TRPV3: variants seen among roughly 807,000 people sequenced by gnomAD.
TRPV3 encodes the protein transient receptor potential cation channel subfamily V member 3.
A neutral mutation model predicts 87.1 loss-of-function variants in TRPV3; 88 were observed. The ratio of observed to expected loss-of-function variants is 1.01; its 90% CI spans 0.85 to 1.21. TRPV3 has a LOEUF of 1.21. TRPV3 is among the 50% of genes most tolerant of loss of function. The pLI is 0.00. For synonymous variants in TRPV3, 438 were observed against 423.3 expected (o/e 1.03, Z -0.43); for missense variants, 1,054 against 1,030.1 (o/e 1.02, Z -0.32).
chr17:3,514,065 T>A, intron 17 of TRPV3, 54 bp from the exon 18 acceptor site: 9 of 1,424,900 alleles, frequency 6.3e-6, no homozygotes, highest in Non-Finnish European at 8.6e-6. Flanking sequence ...CATAGTGTGT[T>A]TCTTTTTTCT....
At chr17:3,546,404 T>C (rs1489503503) in intron 2 of TRPV3, among the ~76,000 whole-genome samples, 1 of 151,658 alleles carries the variant, frequency 6.6e-6, no homozygotes, top group Non-Finnish European at 1.5e-5. Flanking sequence ...ATCATGCCAC[T>C]GCACTCCAGT....
At chr17:3,535,447 CT>C (rs2074399910) in intron 7 of TRPV3, 125 bp downstream of exon 7, 1 of 940,716 alleles carries the variant, frequency 1.1e-6, no homozygotes, top group Non-Finnish European at 1.4e-6. Flanking sequence ...TCCCTCCTCA[CT>C]TCCTTCCTCC....
intron 7 of TRPV3, among the ~76,000 whole-genome samples, chr17:3,534,997 C>T (rs1290931831): frequency 6.6e-6 from 1 of 152,020 alleles, no homozygotes; most frequent in African/African-American, 2.4e-5. Flanking sequence ...CTCCTCCCAG[C>T]CCCTCCTTCT....
intron 16 of TRPV3, 25 bp from the exon 17 acceptor site, chr17:3,514,697 C>G (rs1015868495): frequency 4.6e-6 from 7 of 1,536,506 alleles, no homozygotes; most frequent in Non-Finnish European, 5.4e-6. Flanking sequence ...ATCATTCTTA[C>G]TATTTCACCA....
intron 17 of TRPV3, chr17:3,514,239 C>T (rs933723746): frequency 1.2e-5 from 6 of 486,382 alleles, no homozygotes; most frequent in Middle Eastern, 5.9e-4. Flanking sequence ...CCACCACGTT[C>T]GGCTAATTTT....
chr17:3,525,194 AT>A (rs1377943422), intron 12 of TRPV3, among the ~76,000 whole-genome samples: 3 of 152,032 alleles, frequency 2.0e-5, no homozygotes, highest in Non-Finnish European at 2.9e-5. Context: ...TCATTTTTGT[AT>A]TTTTAGTAGA....
rs1426165973 is a variant in TRPV3 at position 3,511,667 on chromosome 17, T to C, written c.*2250A>G. On this transcript the variant is annotated 3_prime_UTR_variant, in exon 18 of 18. Transcript: ENST00000576742. ...TCCATCCAGACCCACAGACAGCAGATCACCAAAACATGTGAGATGACAAAC... is the reference window on the plus strand; with the variant it reads ...TCCATCCAGACCCACAGACAGCAGACCACCAAAACATGTGAGATGACAAAC... The C allele has an allele frequency of 6.6e-6, 1 of 152,174 alleles. No homozygotes were observed. Among genetic ancestry groups the C allele is most frequent in the East Asian group, 1.9e-4 (1 of 5,204 alleles). The allele number at this position is 152,174 out of a possible 1,614,324, so 9.4% of individuals were successfully genotyped here.
At chr17:3,532,448 T>C (rs887888583) in intron 8 of TRPV3, among the ~76,000 whole-genome samples, 50 of 152,126 alleles carry the variant, frequency 3.3e-4, no homozygotes, top group Admixed American at 2.6e-4. Flanking sequence ...GTCTAGAGAG[T>C]GGGCTGCATC....
Position 3,512,578 on chromosome 17 carries a change from C to A in TRPV3, c.*1339G>T, listed in dbSNP as rs1201057462. On this transcript the variant is annotated 3_prime_UTR_variant, in exon 18 of 18. Transcript: ENST00000576742. Reference sequence around the variant, plus strand: ...ACTATTTTTATAATTCCACCTCGAACATTTTTACATGAATCCTTTCACCAG... The same window carrying A: ...ACTATTTTTATAATTCCACCTCGAAAATTTTTACATGAATCCTTTCACCAG... The A allele has an allele frequency of 6.6e-6, 1 of 152,152 alleles. No individual in the cohort carries two copies. The highest frequency in any genetic ancestry group is 2.4e-5 in the African/African-American group (1 of 41,432). 9.4% of individuals were successfully genotyped at this position (152,152 alleles called of 1,614,324 possible).
chr17:3,525,513 T>C (rs1180318809), intron 12 of TRPV3, among the ~76,000 whole-genome samples: 1 of 152,198 alleles, frequency 6.6e-6, no homozygotes, highest in Non-Finnish European at 1.5e-5. Context: ...AAAACAGTTC[T>C]AAAGACTGAT....
chr17:3,529,903 G>T, intron 9 of TRPV3, 124 bp downstream of exon 9: 1 of 1,092,304 alleles, frequency 9.2e-7, no homozygotes, highest in Non-Finnish European at 1.3e-6. Context: ...AGGCAACAGA[G>T]TGGGGTATGC....
intron 1 of TRPV3, among the ~76,000 whole-genome samples, chr17:3,555,505 G>T (rs1171809919): frequency 6.6e-6 from 1 of 152,188 alleles, no homozygotes; most frequent in African/African-American, 2.4e-5. Flanking sequence ...ACCAGCTTAT[G>T]GCTGCCTGTC....
chr17:3,531,090 A>G (rs403173), intron 8 of TRPV3, among the ~76,000 whole-genome samples: 1 of 150,868 alleles, frequency 6.6e-6, no homozygotes, highest in Admixed American at 6.6e-5. Context: ...AAACAAAAAA[A>G]CCAAAAATTC....
chr17:3,536,442 G>GCCGGCCGTGGGGGCGCATGCCTGTAATC (rs1820794251), intron 6 of TRPV3, among the ~76,000 whole-genome samples: 1 of 152,140 alleles, frequency 6.6e-6, no homozygotes, highest in South Asian at 2.1e-4. Context: ...TACAAAATTA[G>GCCGGCCGTGGGGGCGCATGCCTGTAATC]CCGGCCGTGG....
At position 3,532,672 on chromosome 17, in the gene TRPV3, C is replaced by A. The variant is rs141575082; in HGVS notation, c.1050G>T (p.Lys350Asn). The change falls in exon 8 of 18, where the codon AAG (lysine) becomes AAT (asparagine). Residue 350 changes from lysine (K) to asparagine (N), a missense_variant. Physicochemically the swap from Lys to Asn is moderately conservative, Grantham distance 94. Transcript: ENST00000576742. ...DGLTPLQLAA[K>N]MGKAEILKYI... ...ATGGCCCCACCTCCGCCTTGCCCAT[C>A]TTGGCGGCCAGCTGCAGCGGCGTGA... 6.2e-7 allele frequency: 1 copy of A among 1,614,208 alleles called. No homozygotes were observed. The highest frequency in any genetic ancestry group is 1.1e-5 in the South Asian group (1 of 91,076).
At position 3,541,412 on chromosome 17, in the gene TRPV3, T is replaced by C. The variant is rs571566550; in HGVS notation, c.643+1110A>G. ...GCTCAAACATCTAGTGCCCCCAGCA[T>C]ATCAGCAAGACGGCATCCAATTATA... On this transcript the variant is annotated intron_variant, in intron 6 of 17. Coordinates refer to ENST00000576742, the MANE Select transcript of TRPV3 (RefSeq NM_145068.4). Among the ~76,000 whole-genome samples, 3 of 152,258 alleles carry C rather than the reference T, an allele frequency of 2.0e-5. No individual in the cohort carries two copies. The South Asian group carries it at 6.2e-4, about 32-fold the overall frequency.
Position 3,545,159 on chromosome 17 carries a change from G to C in TRPV3, c.224+8C>G, listed in dbSNP as rs113563330. ...AGGGCAAGGGGTTGGGCTGGGGCCCGTACTCACCACTGCCGGATGTTGGAA... is the reference window on the plus strand; with the variant it reads ...AGGGCAAGGGGTTGGGCTGGGGCCCCTACTCACCACTGCCGGATGTTGGAA... On this transcript the variant is annotated splice_region_variant and intron_variant, in intron 3 of 17. Transcript: ENST00000576742. 6.2e-7 allele frequency: 1 copy of C among 1,608,540 alleles called. No individual in the cohort carries two copies. Among genetic ancestry groups the C allele is most frequent in the South Asian group, 1.1e-5 (1 of 90,688 alleles).
intron 8 of TRPV3, among the ~76,000 whole-genome samples, chr17:3,531,946 C>T (rs1202060940): frequency 6.6e-6 from 1 of 152,190 alleles, no homozygotes; most frequent in African/African-American, 2.4e-5. Flanking sequence ...GTCACCACCC[C>T]CCAGTGTCCT....
intron 15 of TRPV3, 71 bp from the exon 16 acceptor site, chr17:3,516,640 C>G: frequency 9.0e-7 from 1 of 1,106,872 alleles, no homozygotes; most frequent in Non-Finnish European, 1.4e-6. Context: ...CACACACTGT[C>G]GGGGAGCCCA....
Sources: gnomAD v4.1 joint callset for allele counts (sites outside exome capture counted in the v4.1 genomes callset) on GRCh38, gnomAD v4.1.1 for gene constraint, MANE v1.5 for transcripts, NCBI Gene and HGNC (gene_info 2026-07-23, HGNC 2026-07-21) for gene names.